MCL1: variants seen among roughly 807,000 people sequenced by gnomAD.
The protein encoded by MCL1 is MCL1 apoptosis regulator, BCL2 family member.
Under a neutral mutation model 24.2 loss-of-function variants are expected in MCL1, and 4 were observed. The observed-to-expected ratio is 0.17, with a 90% CI of 0.08 to 0.38. MCL1 has a LOEUF of 0.38. Among genes scored for constraint, MCL1 ranks in the 10% least tolerant of loss-of-function variants. MCL1 has a pLI of 1.00. For synonymous variants in MCL1, 248 were observed against 214.0 expected, an observed-to-expected ratio of 1.16 and a Z score of -1.39; for missense variants, 529 against 480.3, an observed-to-expected ratio of 1.10 and a Z score of -0.95.
rs2101700031 is a variant in MCL1 at position 150,579,321 on chromosome 1, C to A, written c.210G>T (p.Thr70=). The change falls in exon 1 of 3, where the codon ACG becomes ACT. Residue 70 remains threonine, a synonymous_variant. Coordinates refer to ENST00000369026, the MANE Select transcript of MCL1 (RefSeq NM_021960.5). ...SAGASPPSTL[T]PDSRRVARPP... is the part of the protein sequence containing the mutation. ...GCCGCGCGACCCTCCGGGAGTCTGG[C>A]GTGAGGGTGGACGGGGGGCTTGCGC... is the stretch of plus-strand genomic sequence containing the variant. 6.8e-7 allele frequency: 1 copy of A among 1,477,460 alleles called. No homozygotes were observed. The highest frequency in any genetic ancestry group is 8.9e-7 in the Non-Finnish European group (1 of 1,121,524). The allele number at this position is 1,477,460 out of a possible 1,614,324, so 91.5% of individuals were successfully genotyped here. A position where few individuals can be genotyped will look rare whatever the true frequency, so the allele number is the denominator to read the frequency against.
At position 150,575,336 on chromosome 1, in the gene MCL1, A is replaced by C. The variant is rs1334576510; in HGVS notation, c.*2039T>G. The stretch of plus-strand genomic sequence containing the variant: ...ATTTTTAAATGGAGTCCACAGACTA[A>C]AGGTCATGTTCCGAGACTGAAGCTT... On this transcript the variant is annotated 3_prime_UTR_variant, in exon 3 of 3. Coordinates refer to ENST00000369026, the MANE Select transcript of MCL1 (RefSeq NM_021960.5). 1 of 233,358 alleles carries C rather than the reference A, an allele frequency of 4.3e-6. No homozygotes were observed. The highest frequency in any genetic ancestry group is 8.5e-6 in the Non-Finnish European group (1 of 117,870). 14.5% of individuals were successfully genotyped at this position (233,358 alleles called of 1,614,324 possible).
At position 150,577,507 on chromosome 1, in the gene MCL1, G is replaced by C. The variant is rs1647861145; in HGVS notation, c.937-16C>G. The C allele has an allele frequency of 6.3e-7, 1 of 1,591,220 alleles. No individual in the cohort carries two copies. Among genetic ancestry groups the C allele is most frequent in the Middle Eastern group, 1.7e-4 (1 of 5,958 alleles). On this transcript the variant is annotated splice_polypyrimidine_tract_variant and intron_variant, in intron 2 of 2. Transcript: ENST00000369026. ...CAAACCCATCCTAGAAAACAAAAAAGAAAAGCACATTTTCAAGTATGGGTT... is the reference window on the plus strand; with the variant it reads ...CAAACCCATCCTAGAAAACAAAAAACAAAAGCACATTTTCAAGTATGGGTT...
intron 2 of MCL1, among the ~76,000 whole-genome samples, chr1:150,577,719 A>T (rs1357377545): frequency 6.6e-6 from 1 of 152,208 alleles, no homozygotes; most frequent in Non-Finnish European, 1.5e-5. Context: ...TGGTCTTATT[A>T]GGATTTATCC....
chr1:150,577,752 C>G (rs754398753), intron 2 of MCL1, among the ~76,000 whole-genome samples: 10 of 152,148 alleles, frequency 6.6e-5, no homozygotes. Flanking sequence ...TTCCAGAGTT[C>G]CCATGAGGTA....
chr1:150,578,540 G>A (rs370650239), intron 1 of MCL1, 49 bp from the exon 2 acceptor site: 7 of 1,600,632 alleles, frequency 4.4e-6, no homozygotes, highest in Non-Finnish European at 6.0e-6. Flanking sequence ...TGTCTAAACC[G>A]GCGCAAGATT....
rs1254613242 is a variant in MCL1, at chr1:150,579,572, A to C, written c.-42T>G. ...CGCCTGGCTGAGAAAACTGGGGAAG[A>C]CCCCGACTCCTTACTGGAAGGAAGC... On this transcript the variant is annotated 5_prime_UTR_variant, in exon 1 of 3. Coordinates refer to ENST00000369026, the MANE Select transcript of MCL1 (RefSeq NM_021960.5). The C allele has an allele frequency of 6.4e-7, 1 of 1,558,926 alleles. No individual in the cohort carries two copies.
Position 150,579,419 on chromosome 1 carries a change from T to C in MCL1, c.112A>G (p.Thr38Ala). 5 of 1,580,602 alleles carry C rather than the reference T, an allele frequency of 3.2e-6. No individual in the cohort carries two copies. Among genetic ancestry groups the C allele is most frequent in the Non-Finnish European group, 3.4e-6 (4 of 1,166,728 alleles). ...CGCCGGGCCGAGGCCTCCTTCTCCGTAGCCAAAAGTCGCCCTCCCGGGCGG... is the reference window on the plus strand; with the variant it reads ...CGCCGGGCCGAGGCCTCCTTCTCCGCAGCCAAAAGTCGCCCTCCCGGGCGG... Reference protein sequence around the residue: ...ATRPGGRLLATEKEASARREI... With the variant: ...ATRPGGRLLAAEKEASARREI... Residue 38 changes from threonine to alanine, a missense_variant, in exon 1 of 3, where the codon ACG becomes GCG. Physicochemically the swap from Thr to Ala is moderately conservative, Grantham distance 58. Coordinates refer to ENST00000369026, the MANE Select transcript of MCL1 (RefSeq NM_021960.5).
chr1:150,579,087 C>G lies in MCL1; in HGVS notation c.444G>C (p.Gly148=), dbSNP rs1055106408. Residue 148 remains glycine (G), a synonymous_variant, in exon 1 of 3, where the codon GGG becomes GGC. Coordinates refer to ENST00000369026, the MANE Select transcript of MCL1 (RefSeq NM_021960.5). ...CCGTACTGGTGTTATTACCAGATTC[C>G]CCGACCAACTCCAGCAGCGGCAGGA... The part of the protein sequence containing the change: ...PAVLPLLELV[G]ESGNNTSTDG... 5.6e-6 allele frequency: 9 copies of G among 1,613,062 alleles called. No homozygotes were observed. Among genetic ancestry groups the G allele is most frequent in the Non-Finnish European group, 4.2e-6 (5 of 1,180,046 alleles).
chr1:150,575,108 C>T lies in MCL1; in HGVS notation c.*2267G>A, dbSNP rs587679425. 1.0e-4 allele frequency: 24 copies of T among 233,106 alleles called. No homozygotes were observed. Among genetic ancestry groups the T allele is most frequent in the African/African-American group, 4.2e-4 (19 of 45,370 alleles). 14.4% of individuals were successfully genotyped at this position (233,106 alleles called of 1,614,324 possible). ...TTGGCAGACAGGCTTTTTTAGTTACCGTAACCAGATCTTAAGATTAATTAA... is the reference window on the plus strand; with the variant it reads ...TTGGCAGACAGGCTTTTTTAGTTACTGTAACCAGATCTTAAGATTAATTAA... On this transcript the variant is annotated 3_prime_UTR_variant, in exon 3 of 3. Coordinates refer to ENST00000369026, the MANE Select transcript of MCL1 (RefSeq NM_021960.5).
In MCL1 at chr1:150,576,668, G is replaced by A; in HGVS notation, c.*707C>T. ...TTCGTTTCAAAGAAATAGACTTTCT[G>A]TAAAAATATATACAATTTTTACAAA... On this transcript the variant is annotated 3_prime_UTR_variant, in exon 3 of 3. Coordinates refer to ENST00000369026, the MANE Select transcript of MCL1 (RefSeq NM_021960.5). 1 of 232,244 alleles carries A rather than the reference G, an allele frequency of 4.3e-6. No homozygotes were observed. Among genetic ancestry groups the A allele is most frequent in the Non-Finnish European group, 8.5e-6 (1 of 117,284 alleles). The allele number at this position is 232,244 out of a possible 1,614,324, so 14.4% of individuals were successfully genotyped here. A position where few individuals can be genotyped will look rare whatever the true frequency, so the allele number is the denominator to read the frequency against.
rs754305788 is a variant in MCL1 at position 150,578,912 on chromosome 1, T to G, written c.619A>C (p.Arg207=). 6.2e-7 allele frequency: 1 copy of G among 1,613,858 alleles called. No individual in the cohort carries two copies. The highest frequency in any genetic ancestry group is 1.7e-5 in the Admixed American group (1 of 60,024). Residue 207 remains arginine, a synonymous_variant, in exon 1 of 3, where the codon AGG becomes CGG. Transcript: ENST00000369026. Reference sequence around the variant, plus strand: ...CGTCGTAAGGTCTCCAGCGCCTTCCTGCTGGTGGCCCCAGACCTGCCCATT... The same window carrying G: ...CGTCGTAAGGTCTCCAGCGCCTTCCGGCTGGTGGCCCCAGACCTGCCCATT... The part of the protein sequence containing the change: ...KPMGRSGATS[R]KALETLRRVG...
At position 150,575,554 on chromosome 1, in the gene MCL1, C is replaced by T; in HGVS notation, c.*1821G>A. ...CTGAGGGGACTTTTGACACATTGCC[C>T]CCAAAGACAGGATAAAACAATAGTT... is the stretch of plus-strand genomic sequence containing the variant. On this transcript the variant is annotated 3_prime_UTR_variant, in exon 3 of 3. Coordinates refer to ENST00000369026, the MANE Select transcript of MCL1 (RefSeq NM_021960.5). The T allele has an allele frequency of 4.3e-6, 1 of 233,068 alleles. No homozygotes were observed. The highest frequency in any genetic ancestry group is 8.5e-6 in the Non-Finnish European group (1 of 117,960). 14.4% of individuals were successfully genotyped at this position (233,068 alleles called of 1,614,324 possible).
In MCL1 at chr1:150,578,461, T is replaced by A; in HGVS notation, c.719A>T (p.Glu240Val). 1 of 1,614,184 alleles carries A rather than the reference T, an allele frequency of 6.2e-7. No individual in the cohort carries two copies. Among genetic ancestry groups the A allele is most frequent in the Non-Finnish European group, 8.5e-7 (1 of 1,180,028 alleles). Residue 240 changes from glutamate (E) to valine (V), a missense_variant, in exon 2 of 3, where the codon GAA (glutamate) becomes GTA (valine). By Grantham distance (121) the Glu-to-Val change is moderately radical. Coordinates refer to ENST00000369026, the MANE Select transcript of MCL1 (RefSeq NM_021960.5). ...GMLRKLDIKN[E>V]DDVKSLSRVM... Reference sequence around the variant, plus strand: ...TCGAGACAACGATTTCACATCGTCTTCGTTTTTGATGTCCAGTTTCCGAAG... The same window carrying A: ...TCGAGACAACGATTTCACATCGTCTACGTTTTTGATGTCCAGTTTCCGAAG...
Position 150,575,983 on chromosome 1 carries a change from T to C in MCL1, c.*1392A>G, listed in dbSNP as rs966010852. The C allele has an allele frequency of 3.9e-5, 9 of 233,568 alleles. No individual in the cohort carries two copies. The highest frequency in any genetic ancestry group is 1.8e-4 in the East Asian group (3 of 16,594). 14.5% of individuals were successfully genotyped at this position (233,568 alleles called of 1,614,324 possible). On this transcript the variant is annotated 3_prime_UTR_variant, in exon 3 of 3. Coordinates refer to ENST00000369026, the MANE Select transcript of MCL1 (RefSeq NM_021960.5). Reference sequence around the variant, plus strand: ...TTAATAGAAACAAAACAGTAAGTATTTGCTTTATTGACATACTAGGCTTAG... The same window carrying C: ...TTAATAGAAACAAAACAGTAAGTATCTGCTTTATTGACATACTAGGCTTAG...
chr1:150,578,700 G>A (rs587723454), intron 1 of MCL1, 143 bp downstream of exon 1: 1 of 1,056,504 alleles, frequency 9.5e-7, no homozygotes, highest in Non-Finnish European at 1.4e-6. Context: ...ATGACTCATG[G>A]CCAGAATATT....
Position 150,577,308 on chromosome 1 carries a change from A to G in MCL1, c.*67T>C, listed in dbSNP as rs1647849473. The stretch of plus-strand genomic sequence containing the variant: ...CTAGGAAGTTACAGCTTGGAGTCCA[A>G]CTGCATAAACTGGTTTTGGTGGTGG... On this transcript the variant is annotated 3_prime_UTR_variant, in exon 3 of 3. Coordinates refer to ENST00000369026, the MANE Select transcript of MCL1 (RefSeq NM_021960.5). 6.3e-7 allele frequency: 1 copy of G among 1,579,578 alleles called. No individual in the cohort carries two copies. The highest frequency in any genetic ancestry group is 8.6e-7 in the Non-Finnish European group (1 of 1,163,394).
At position 150,579,533 on chromosome 1, in the gene MCL1, C is replaced by G. The variant is rs776449305; in HGVS notation, c.-3G>C. ...GCGTTTCTTTTGAGGCCAAACATTG[C>G]CAGTCGCCGCCGCCGCCTGGCTGAG... is the stretch of plus-strand genomic sequence containing the variant. On this transcript the variant is annotated 5_prime_UTR_variant, in exon 1 of 3. Transcript: ENST00000369026. 2 of 1,595,032 alleles carry G rather than the reference C, an allele frequency of 1.3e-6. No individual in the cohort carries two copies. The highest frequency in any genetic ancestry group is 1.7e-6 in the Non-Finnish European group (2 of 1,172,026).
intron 2 of MCL1, 106 bp downstream of exon 2, chr1:150,578,138 A>G (rs1462685484): frequency 2.4e-6 from 3 of 1,269,460 alleles, no homozygotes; most frequent in East Asian, 2.3e-5. Context: ...TAGAGCCTGC[A>G]AACAGCCGTG....
In MCL1 at chr1:150,578,923, C is replaced by T; in HGVS notation, c.608G>A (p.Gly203Glu). The T allele has an allele frequency of 6.2e-7, 1 of 1,613,808 alleles. No homozygotes were observed. The highest frequency in any genetic ancestry group is 2.2e-5 in the East Asian group (1 of 44,880). The change falls in exon 1 of 3, where the codon GGG becomes GAG. Residue 203 changes from glycine (G) to glutamate (E), a missense_variant. Gly to Glu is a moderately conservative substitution (Grantham distance 98). Coordinates refer to ENST00000369026, the MANE Select transcript of MCL1 (RefSeq NM_021960.5). ...CTCCAGCGCCTTCCTGCTGGTGGCC[C>T]CAGACCTGCCCATTGGCTTTGTGTC... ...AKDTKPMGRSGATSRKALETL... is the reference protein window; with the variant it reads ...AKDTKPMGRSEATSRKALETL...
Sources: allele counts gnomAD v4.1 joint callset (sites outside exome capture counted in the v4.1 genomes callset), GRCh38; gene constraint gnomAD v4.1.1; transcripts MANE v1.5; gene names NCBI Gene and HGNC (gene_info 2026-07-23, HGNC 2026-07-21).